The following RPL4 variants were observed in gnomAD, a reference collection of about 807,000 sequenced individuals.
RPL4 encodes the protein ribosomal protein L4, also known as large ribosomal subunit protein uL4.
In RPL4, 3 loss-of-function variants were observed where a neutral mutation model predicts 47.7. The observed-to-expected ratio is 0.06, with a 90% confidence interval of 0.03 to 0.16. The LOEUF (loss-of-function observed/expected upper bound fraction) is 0.16, where lower values mean the gene tolerates loss of function less well. RPL4 is among the 10% of genes least tolerant of loss of function. RPL4 has a pLI of 1.00. For synonymous variants in RPL4, 208 were observed against 182.1 expected, an observed-to-expected ratio of 1.14 and a Z score of -1.15; for missense variants, 413 against 551.3, an observed-to-expected ratio of 0.75 and a Z score of 2.51.
At chr15:66,504,634 C>A (rs1473211844) in intron 1 of RPL4, among the ~76,000 whole-genome samples, 154 bp downstream of exon 1, 1 of 152,110 alleles carries the variant, frequency 6.6e-6, no homozygotes, top group South Asian at 2.1e-4. Flanking sequence ...GCCGTATCGC[C>A]GCACATCCCA....
rs1893586102 is a variant in RPL4, at chr15:66,500,393, T to C, written c.834-17A>G. On this transcript the variant is annotated splice_polypyrimidine_tract_variant and intron_variant, in intron 7 of 9. Transcript: ENST00000307961. ...ATGGGAAGACTGAAAGGGAAAAGAT[T>C]GACATGTACATGTAAAAGTAATCAA... 6.2e-7 allele frequency: 1 copy of C among 1,606,424 alleles called. No homozygotes were observed. Among genetic ancestry groups the C allele is most frequent in the Non-Finnish European group, 8.5e-7 (1 of 1,173,528 alleles).
At chr15:66,502,390 G>T (rs2140716327) in intron 4 of RPL4, 3 of 547,978 alleles carry the variant, frequency 5.5e-6, no homozygotes, top group Non-Finnish European at 9.5e-6. Flanking sequence ...TATGTAACAT[G>T]TATTTCTGGA....
intron 1 of RPL4, among the ~76,000 whole-genome samples, chr15:66,503,752 A>G (rs1042605002): frequency 3.9e-5 from 6 of 152,216 alleles, no homozygotes; most frequent in Non-Finnish European, 7.3e-5. Context: ...TAAAACTTTC[A>G]AAGCAAGCCT....
At chr15:66,504,691 C>A (rs1258469480) in intron 1 of RPL4, 97 bp downstream of exon 1, 3 of 1,538,928 alleles carry the variant, frequency 1.9e-6, no homozygotes, top group African/African-American at 2.7e-5. Flanking sequence ...TCCCTCTCCT[C>A]GCTCTATCTC....
At chr15:66,500,638 C>T (rs184138638) in intron 7 of RPL4, 62 of 541,272 alleles carry the variant, frequency 1.1e-4, no homozygotes, top group African/African-American at 8.7e-4. Context: ...TACAATTAGC[C>T]GGGTGTGGTG....
chr15:66,502,292 A>G, intron 4 of RPL4: 1 of 383,052 alleles, frequency 2.6e-6, no homozygotes, highest in South Asian at 3.0e-5. Context: ...AGAATGTGCA[A>G]TTTTAACAAA....
In RPL4 at chr15:66,502,853, T is replaced by C. The variant is rs752105358; in HGVS notation, c.283-103A>G. ...TCGTCAACCTTCTGTACCAGCTTAC[T>C]GACAGCAGGCAACTGTCGCTGAGAA... is the stretch of plus-strand genomic sequence containing the variant. On this transcript the variant is annotated intron_variant, in intron 3 of 9. Transcript: ENST00000307961. 5.8e-6 allele frequency: 9 copies of C among 1,553,562 alleles called. No homozygotes were observed. The East Asian group carries it at 2.0e-4, about 35-fold the overall frequency.
intron 3 of RPL4, 126 bp from the exon 4 acceptor site, chr15:66,502,876 G>A (rs369619486): frequency 1.3e-5 from 19 of 1,474,796 alleles, no homozygotes; most frequent in African/African-American, 6.9e-5. Flanking sequence ...CTGTCGCTGA[G>A]AACAGAGTAA....
intron 4 of RPL4, 64 bp downstream of exon 4, chr15:66,502,548 T>C: frequency 6.5e-7 from 1 of 1,546,338 alleles, no homozygotes; most frequent in Non-Finnish European, 8.8e-7. Flanking sequence ...AAAATCACCC[T>C]AATGATCAAA....
At position 66,501,713 on chromosome 15, in the gene RPL4, C is replaced by T. The variant is rs996147478; in HGVS notation, c.546+75G>A. 2.9e-5 allele frequency: 46 copies of T among 1,581,112 alleles called. No individual in the cohort carries two copies. In the African/African-American group the frequency reaches 6.1e-4, roughly 21 times the overall value. ...ACACATTAAGGATTAGCTATACTGC[C>T]CTTATCTTCTGAAATTCAAAGTGAC... is the stretch of plus-strand genomic sequence containing the variant. On this transcript the variant is annotated intron_variant, in intron 5 of 9. Coordinates refer to ENST00000307961, the MANE Select transcript of RPL4 (RefSeq NM_000968.4).
Position 66,499,301 on chromosome 15 carries a change from C to T in RPL4, c.*106G>A. The T allele has an allele frequency of 7.1e-7, 1 of 1,401,222 alleles. No individual in the cohort carries two copies. The highest frequency in any genetic ancestry group is 1.4e-5 in the South Asian group (1 of 72,744). 86.8% of individuals were successfully genotyped at this position (1,401,222 alleles called of 1,614,324 possible). The stretch of plus-strand genomic sequence containing the variant: ...TTAAAAAAATTCTAACCAAGCTTTA[C>T]AGAGCACACCAAGTCATGTTTCTCA... On this transcript the variant is annotated 3_prime_UTR_variant, in exon 10 of 10. Transcript: ENST00000307961.
rs1893646243 is a variant in RPL4, at chr15:66,502,719, G to C, written c.314C>G (p.Thr105Ser). 6.2e-7 allele frequency: 1 copy of C among 1,614,088 alleles called. No individual in the cohort carries two copies. ...MCRGGRMFAP[T>S]KTWRRWHRRV... The stretch of plus-strand genomic sequence containing the variant: ...ACGATGCCAACGGCGCCAGGTTTTG[G>C]TTGGTGCAAACATTCGGCCTCCACG... Residue 105 changes from threonine to serine, a missense_variant, in exon 4 of 10, where the codon ACC (threonine) becomes AGC (serine). This residue lies in a region of RPL4 where 214 missense variants were observed against 304.2 expected (regional missense o/e 0.70). Coordinates refer to ENST00000307961, the MANE Select transcript of RPL4 (RefSeq NM_000968.4).
intron 4 of RPL4, chr15:66,502,126 C>T (rs1567034960): frequency 1.4e-6 from 1 of 715,250 alleles, no homozygotes; most frequent in South Asian, 1.5e-5. Flanking sequence ...ACGCAACAGG[C>T]AAGTTTAAGT....
At chr15:66,503,674 A>C (rs1595897120) in intron 1 of RPL4, 145 bp from the exon 2 acceptor site, 1 of 708,342 alleles carries the variant, frequency 1.4e-6, no homozygotes, top group East Asian at 2.8e-5. Context: ...AATAGCAGTA[A>C]ATGACTAGAA....
intron 1 of RPL4, among the ~76,000 whole-genome samples, chr15:66,504,099 A>T (rs1302608902): frequency 6.6e-6 from 1 of 152,180 alleles, no homozygotes; most frequent in Non-Finnish European, 1.5e-5. Context: ...CTTGCCTCAG[A>T]CTTTCCAAGT....
At position 66,501,691 on chromosome 15, in the gene RPL4, C is replaced by T. The variant is rs1020688218; in HGVS notation, c.546+97G>A. 7.1e-6 allele frequency: 11 copies of T among 1,544,914 alleles called. No homozygotes were observed. The East Asian group carries it at 2.0e-4, about 28-fold the overall frequency. On this transcript the variant is annotated intron_variant, in intron 5 of 9. Transcript: ENST00000307961. ...GCTCTGAGGTTCTTGTTCTCTCACACATTAAGGATTAGCTATACTGCCCTT... is the reference window on the plus strand; with the variant it reads ...GCTCTGAGGTTCTTGTTCTCTCACATATTAAGGATTAGCTATACTGCCCTT...
At chr15:66,499,700 A>C in intron 9 of RPL4, 48 bp from the exon 10 acceptor site, 2 of 1,606,962 alleles carry the variant, frequency 1.2e-6, no homozygotes, top group Non-Finnish European at 1.7e-6. Context: ...CCCTGTAAGA[A>C]CTTAATGTAT....
rs773865235 is a variant in RPL4 at position 66,501,931 on chromosome 15, A to C, written c.422-19T>G. 12 of 1,600,120 alleles carry C rather than the reference A, an allele frequency of 7.5e-6. No homozygotes were observed. Among genetic ancestry groups the C allele is most frequent in the Non-Finnish European group, 1.0e-5 (12 of 1,174,850 alleles). The stretch of plus-strand genomic sequence containing the variant: ...CGATGACCTAACAAAAACCAATGAC[A>C]CTTACTTGGTTATCCTGAAACTTTT... On this transcript the variant is annotated intron_variant, in intron 4 of 9. Transcript: ENST00000307961.
At chr15:66,500,487 T>A in intron 7 of RPL4, 111 bp from the exon 8 acceptor site, 1 of 898,242 alleles carries the variant, frequency 1.1e-6, no homozygotes, top group Non-Finnish European at 1.8e-6. Context: ...TCTACTACAC[T>A]ATCACTTCTC....
Sources: gnomAD v4.1 joint callset for allele counts (sites outside exome capture counted in the v4.1 genomes callset) on GRCh38, gnomAD v4.1.1 for gene constraint, gnomAD v4.1.1 regional missense constraint, MANE v1.5 for transcripts, NCBI Gene and HGNC (gene_info 2026-07-23, HGNC 2026-07-21) for gene names.